The following CENPP variants were observed in gnomAD, a reference collection of about 807,000 sequenced individuals.
The protein encoded by CENPP is centromere protein P.
A neutral mutation model predicts 35.6 loss-of-function variants in CENPP; 24 were observed. The ratio of observed to expected loss-of-function variants is 0.67; its 90% confidence interval spans 0.49 to 0.95. The LOEUF is 0.95. Among genes scored for constraint, CENPP ranks in the 40% least tolerant of loss-of-function variants. The probability of loss-of-function intolerance (pLI) is 0.00; values close to 1 mark genes in which losing one functional copy is unlikely to be tolerated. For missense variants in CENPP, 332 were observed against 345.3 expected (o/e 0.96, Z 0.31); for synonymous variants, 120 against 125.5 (o/e 0.96, Z 0.29).
At chr9:92,487,468 A>G (rs1174775762) in intron 5 of CENPP, among the ~76,000 whole-genome samples, 2 of 152,256 alleles carry the variant, frequency 1.3e-5, no homozygotes, top group Non-Finnish European at 2.9e-5. Context: ...TCCTTTTTAT[A>G]ATAACAGAGA....
intron 5 of CENPP, among the ~76,000 whole-genome samples, chr9:92,382,437 A>G (rs1192993089): frequency 6.6e-6 from 1 of 152,080 alleles, no homozygotes; most frequent in Non-Finnish European, 1.5e-5. Context: ...TCATCTTACA[A>G]TGGTATAGAA....
intron 5 of CENPP, among the ~76,000 whole-genome samples, chr9:92,427,668 C>T (rs531667947): frequency 8.6e-5 from 13 of 151,406 alleles, no homozygotes; most frequent in African/African-American, 3.2e-4. Flanking sequence ...TCAGTAGAGT[C>T]GGGGGTTTTC....
chr9:92,577,801 T>A (rs1469495790), intron 5 of CENPP, among the ~76,000 whole-genome samples: 1 of 151,804 alleles, frequency 6.6e-6, no homozygotes, highest in Non-Finnish European at 1.5e-5. Context: ...TTTATTTATT[T>A]ATTTATTATT....
At chr9:92,517,533 C>G in intron 5 of CENPP, 2 of 1,002,948 alleles carry the variant, frequency 2.0e-6, no homozygotes, top group Non-Finnish European at 3.0e-6. Context: ...TACATTTTCC[C>G]AGATATTTTC....
chr9:92,531,379 A>C (rs1005634122), intron 5 of CENPP, among the ~76,000 whole-genome samples: 4 of 152,164 alleles, frequency 2.6e-5, no homozygotes, highest in African/African-American at 9.7e-5. Context: ...GATGAACTTC[A>C]ACTCCATTTA....
At chr9:92,547,369 C>G (rs1242516316) in intron 5 of CENPP, among the ~76,000 whole-genome samples, 1 of 152,232 alleles carries the variant, frequency 6.6e-6, no homozygotes, top group South Asian at 2.1e-4. Context: ...CATTGCTACA[C>G]TATTCATAAC....
At chr9:92,449,437 C>CAAAAAAAAAAAAAAAAAAAAAAAAA (rs56218626) in intron 5 of CENPP, among the ~76,000 whole-genome samples, 3 of 54,958 alleles carry the variant, frequency 5.5e-5, no homozygotes, top group Non-Finnish European at 1.0e-4. Flanking sequence ...ACTCTATCTC[C>CAAAAAAAAAAAAAAAAAAAAAAAAA]AAAAAAAAAA....
intron 5 of CENPP, among the ~76,000 whole-genome samples, chr9:92,419,624 ATCC>A (rs764942385): frequency 6.6e-6 from 1 of 152,180 alleles, no homozygotes; most frequent in Non-Finnish European, 1.5e-5. Context: ...TTGCCTGCTT[ATCC>A]GCCTGGTCGT....
At chr9:92,487,299 G>A (rs1422471386) in intron 5 of CENPP, among the ~76,000 whole-genome samples, 1 of 152,174 alleles carries the variant, frequency 6.6e-6, no homozygotes, top group African/African-American at 2.4e-5. Flanking sequence ...CTGGGCCAGA[G>A]AAGTAAAGGT....
At chr9:92,525,925 A>G (rs559206012) in intron 5 of CENPP, among the ~76,000 whole-genome samples, 1 of 151,366 alleles carries the variant, frequency 6.6e-6, no homozygotes, top group South Asian at 2.1e-4. Flanking sequence ...AGCACATACA[A>G]TTATGTACAG....
chr9:92,424,937 A>G (rs538076689), intron 5 of CENPP, among the ~76,000 whole-genome samples: 1 of 152,240 alleles, frequency 6.6e-6, no homozygotes, highest in Admixed American at 6.5e-5. Context: ...CCACCTCCCA[A>G]ATTGCTGGGA....
chr9:92,478,926 G>A (rs1845812193), intron 5 of CENPP, among the ~76,000 whole-genome samples: 2 of 152,160 alleles, frequency 1.3e-5, no homozygotes, highest in South Asian at 4.1e-4. Flanking sequence ...GATCCAAAGT[G>A]GGGTGCCAAG....
At chr9:92,554,869 C>A (rs1351079565) in intron 5 of CENPP, among the ~76,000 whole-genome samples, 1 of 152,066 alleles carries the variant, frequency 6.6e-6, no homozygotes, top group East Asian at 1.9e-4. Context: ...AACTCCTGAC[C>A]TCGTGATCCA....
chr9:92,426,317 ATC>A (rs963834311), intron 5 of CENPP, among the ~76,000 whole-genome samples: 6 of 152,222 alleles, frequency 3.9e-5, no homozygotes, highest in Non-Finnish European at 7.3e-5. Flanking sequence ...TAGATTCAGT[ATC>A]TCAAAGCTGA....
intron 5 of CENPP, among the ~76,000 whole-genome samples, chr9:92,590,880 G>A (rs778651116): frequency 6.6e-5 from 10 of 152,176 alleles, no homozygotes; most frequent in African/African-American, 1.2e-4. Context: ...CTTTTGACCC[G>A]TTTATTCAAA....
intron 5 of CENPP, among the ~76,000 whole-genome samples, chr9:92,567,875 C>G (rs370164171): frequency 6.6e-6 from 1 of 151,766 alleles, no homozygotes; most frequent in Non-Finnish European, 1.5e-5. Context: ...AAGAAAGGAG[C>G]TTAAATACCT....
intron 4 of CENPP, among the ~76,000 whole-genome samples, chr9:92,361,157 T>C (rs1296189182): frequency 1.3e-5 from 2 of 151,806 alleles, no homozygotes; most frequent in African/African-American, 2.4e-5. Context: ...TATTTATTTA[T>C]TGAGATGGAG....
intron 5 of CENPP, among the ~76,000 whole-genome samples, chr9:92,544,249 G>A (rs145286716): frequency 0.04 from 6,072 of 152,322 alleles, 186 homozygotes; most frequent in South Asian, 0.099. Flanking sequence ...GCTGAGGCAC[G>A]TGGATCACTT....
At chr9:92,475,490 T>G (rs2131087112) in intron 5 of CENPP, among the ~76,000 whole-genome samples, 1 of 152,340 alleles carries the variant, frequency 6.6e-6, no homozygotes, top group African/African-American at 2.4e-5. Flanking sequence ...TTCCTTTAAC[T>G]TTCATAATGA....
Sources: gnomAD v4.1 joint callset for allele counts (sites outside exome capture counted in the v4.1 genomes callset) on GRCh38, gnomAD v4.1.1 for gene constraint, MANE v1.5 for transcripts, NCBI Gene and HGNC (gene_info 2026-07-23, HGNC 2026-07-21) for gene names.